Variants in PDE4D observed in about 807,000 individuals in gnomAD.
The protein encoded by PDE4D is 3',5'-cyclic-AMP phosphodiesterase 4D.
In PDE4D, 24 loss-of-function variants were observed where a neutral mutation model predicts 87.4. The observed-to-expected ratio is 0.27, with a 90% CI of 0.20 to 0.39. PDE4D has a LOEUF of 0.39. PDE4D is among the 10% of genes least tolerant of loss of function. The pLI is 1.00. For missense variants in PDE4D, 714 were observed against 1,041.0 expected, an observed-to-expected ratio of 0.69 and a Z score of 4.32; for synonymous variants, 384 against 383.2, an observed-to-expected ratio of 1.00 and a Z score of -0.02.
intron 3 of PDE4D, among the ~76,000 whole-genome samples, chr5:59,973,466 CTA>C (rs1240077368): frequency 1.3e-5 from 2 of 151,468 alleles, no homozygotes; most frequent in African/African-American, 4.8e-5. Flanking sequence ...ATTTTAATGA[CTA>C]TATCATAATC....
chr5:60,264,949 A>G (rs1750031629), intron 1 of PDE4D, among the ~76,000 whole-genome samples: 1 of 152,204 alleles, frequency 6.6e-6, no homozygotes, highest in South Asian at 2.1e-4. Context: ...TGTGCTGGAC[A>G]CCAAGGATAT....
intron 1 of PDE4D, among the ~76,000 whole-genome samples, chr5:59,686,112 T>C (rs535134073): frequency 6.6e-6 from 1 of 152,306 alleles, no homozygotes; most frequent in East Asian, 1.9e-4. Context: ...TGTCTCTCAC[T>C]GTCCAAGTTT....
intron 2 of PDE4D, among the ~76,000 whole-genome samples, chr5:60,149,941 T>TTATATATAGTATATATACTAG (rs1781355025): frequency 6.8e-6 from 1 of 147,236 alleles, no homozygotes; most frequent in Non-Finnish European, 1.5e-5. Flanking sequence ...TATACATATG[T>TTATATATAGTATATATACTAG]TATATATAGT....
Position 58,981,571 on chromosome 5 carries a change from TATATATAC to T in PDE4D, c.1553-4234_1553-4227del, listed in dbSNP as rs1745185919. 3.3e-5 allele frequency among the ~76,000 whole-genome samples: 5 copies of T among 151,878 alleles called. No individual in the cohort carries two copies. The South Asian group carries it at 1.0e-3, about 32-fold the overall frequency. The stretch of plus-strand genomic sequence containing the variant: ...AATGAAGATATATGCTTAATATATG[TATATATAC>T]ATATAAATGCATTCATAAGAAAATA... On this transcript the variant is annotated intron_variant, in intron 11 of 14. Transcript: ENST00000340635.
intron 1 of PDE4D, among the ~76,000 whole-genome samples, chr5:60,206,788 C>G (rs896824855): frequency 3.9e-5 from 6 of 152,326 alleles, no homozygotes; most frequent in African/African-American, 1.2e-4. Context: ...TAGGGCATCT[C>G]TTAATAAAAC....
At chr5:59,389,919 C>A (rs984856433) in intron 1 of PDE4D, among the ~76,000 whole-genome samples, 1 of 152,020 alleles carries the variant, frequency 6.6e-6, no homozygotes, top group African/African-American at 2.4e-5. Context: ...GAAATAAGTT[C>A]TAGTGTTCGA....
chr5:59,858,204 T>G (rs1260206995), intron 1 of PDE4D, among the ~76,000 whole-genome samples: 2 of 152,238 alleles, frequency 1.3e-5, no homozygotes, highest in Non-Finnish European at 2.9e-5. Flanking sequence ...TGAGTGTTCT[T>G]AGACACTTGG....
chr5:59,388,747 T>C (rs777042228), intron 1 of PDE4D, among the ~76,000 whole-genome samples: 2 of 152,054 alleles, frequency 1.3e-5, no homozygotes, highest in Non-Finnish European at 2.9e-5. Context: ...TTGTGACAGA[T>C]ATACCATGAA....
intron 1 of PDE4D, among the ~76,000 whole-genome samples, chr5:60,497,331 G>T (rs948003905): frequency 5.9e-5 from 9 of 152,090 alleles, no homozygotes; most frequent in Non-Finnish European, 1.0e-4. Context: ...ATGCTAATTG[G>T]GGGGTTAGGT....
intron 1 of PDE4D, among the ~76,000 whole-genome samples, chr5:59,419,033 T>C (rs1195174295): frequency 1.3e-5 from 2 of 152,184 alleles, no homozygotes; most frequent in Non-Finnish European, 2.9e-5. Context: ...GATGTGATAG[T>C]CAAAGGAAAC....
intron 3 of PDE4D, among the ~76,000 whole-genome samples, chr5:59,913,946 A>G (rs948077988): frequency 2.6e-5 from 4 of 152,234 alleles, no homozygotes; most frequent in African/African-American, 9.6e-5. Flanking sequence ...AAAACCATAT[A>G]ATAATAAAAA....
intron 1 of PDE4D, among the ~76,000 whole-genome samples, chr5:59,312,837 AAGCCCACC>A (rs1299934953): frequency 1.3e-5 from 2 of 152,146 alleles, no homozygotes; most frequent in Non-Finnish European, 2.9e-5. Flanking sequence ...GCTGCTTTAC[AAGCCCACC>A]AGCCCCCTCC....
intron 2 of PDE4D, among the ~76,000 whole-genome samples, chr5:60,060,018 G>T (rs1467981941): frequency 1.3e-5 from 2 of 151,764 alleles, no homozygotes; most frequent in African/African-American, 4.8e-5. Flanking sequence ...TCTAAAGAAA[G>T]CTTGCTTTGA....
At chr5:60,432,682 C>T (rs1744445655) in intron 1 of PDE4D, among the ~76,000 whole-genome samples, 1 of 152,178 alleles carries the variant, frequency 6.6e-6, no homozygotes, top group Non-Finnish European at 1.5e-5. Flanking sequence ...TCAAACTATA[C>T]TTCAATGCTA....
chr5:59,488,058 C>T (rs1168250607), intron 1 of PDE4D, among the ~76,000 whole-genome samples: 1 of 151,484 alleles, frequency 6.6e-6, no homozygotes, highest in East Asian at 1.9e-4. Flanking sequence ...GAGCTGACTA[C>T]TAAGGCTTGG....
rs376413011 is a variant in PDE4D, at chr5:60,201,312, G to T, written c.-89-15625C>A. 8.1e-4 allele frequency among the ~76,000 whole-genome samples: 122 copies of T among 149,914 alleles called. 2 individuals carry two copies. The highest frequency in any genetic ancestry group is 2.8e-3 in the African/African-American group (116 of 40,934). Reference sequence around the variant, plus strand: ...TATACCAACAATTTGAAATATAATTGCTACACACACACACACAACTTAAAA... The same window carrying T: ...TATACCAACAATTTGAAATATAATTTCTACACACACACACACAACTTAAAA... On this transcript the variant is annotated intron_variant, in intron 1 of 16. Transcript: ENST00000502484.
intron 1 of PDE4D, among the ~76,000 whole-genome samples, chr5:60,414,007 T>G (rs777868472): frequency 1.3e-5 from 2 of 152,222 alleles, no homozygotes; most frequent in Admixed American, 1.3e-4. Flanking sequence ...CACTTCTGTT[T>G]GTTCCACCAA....
intron 1 of PDE4D, among the ~76,000 whole-genome samples, chr5:59,516,365 C>T (rs1811157471): frequency 6.6e-6 from 1 of 152,086 alleles, no homozygotes. Flanking sequence ...CCTTCAACAC[C>T]ACACCATCAC....
chr5:59,033,754 T>C (rs187607240), intron 6 of PDE4D, among the ~76,000 whole-genome samples: 3 of 152,278 alleles, frequency 2.0e-5, no homozygotes, highest in Admixed American at 6.5e-5. Flanking sequence ...GGAATTTTTT[T>C]CGAAAACGTA....
Sources: gnomAD v4.1 joint callset for allele counts (sites outside exome capture counted in the v4.1 genomes callset) on GRCh38, gnomAD v4.1.1 for gene constraint, MANE v1.5 for transcripts, NCBI Gene and HGNC (gene_info 2026-07-23, HGNC 2026-07-21) for gene names.